Variants in CRISP2 observed in about 807,000 individuals in gnomAD.
CRISP2 encodes cysteine-rich secretory protein 2.
In CRISP2, 29 loss-of-function variants were observed where a neutral mutation model predicts 31.7. The observed-to-expected ratio is 0.92, with a 90% confidence interval of 0.68 to 1.25. The LOEUF is 1.25. CRISP2 is among the 50% of genes most tolerant of loss of function. The pLI, the probability that CRISP2 is intolerant of heterozygous loss-of-function variation, is 0.00. For missense variants in CRISP2, 318 were observed against 286.5 expected, an observed-to-expected ratio of 1.11 and a Z score of -0.79; for synonymous variants, 111 against 101.4, an observed-to-expected ratio of 1.09 and a Z score of -0.57.
chr6:49,684,886 T>C, the CRISP2 span, among the ~76,000 whole-genome samples: 142 of 152,320 alleles, frequency 9.3e-4, 1 homozygote, highest in Middle Eastern at 6.8e-3. Flanking sequence ...TAGTACTGGG[T>C]ATCCTTTGGC....
At chr6:49,705,768 C>T (rs1766916792) in intron 4 of CRISP2, among the ~76,000 whole-genome samples, 1 of 152,106 alleles carries the variant, frequency 6.6e-6, no homozygotes. Flanking sequence ...TTCATTTCAG[C>T]CTTAAGTAAG....
At chr6:49,711,889 A>G (rs959966570) in intron 2 of CRISP2, among the ~76,000 whole-genome samples, 73 of 152,184 alleles carry the variant, frequency 4.8e-4, no homozygotes, top group African/African-American at 1.7e-3. Context: ...CCTCTAATAC[A>G]ATAAACACAT....
downstream of CRISP2, among the ~76,000 whole-genome samples, chr6:49,688,049 C>T (rs1471801665): frequency 2.6e-5 from 4 of 152,196 alleles, no homozygotes; most frequent in Admixed American, 2.6e-4. Flanking sequence ...GAGAAACTGT[C>T]TCAATCACTG....
At chr6:49,697,059 A>G (rs1764885442) in intron 8 of CRISP2, among the ~76,000 whole-genome samples, 1 of 152,140 alleles carries the variant, frequency 6.6e-6, no homozygotes. Context: ...TCAAACTGGA[A>G]TCGTACATCA....
the CRISP2 span, among the ~76,000 whole-genome samples, chr6:49,676,998 G>C: frequency 1.3e-5 from 2 of 152,126 alleles, no homozygotes; most frequent in Non-Finnish European, 1.5e-5. Context: ...AAAAAGTCTT[G>C]TGACAAGGGC....
At chr6:49,711,814 T>C (rs1412931001) in intron 2 of CRISP2, among the ~76,000 whole-genome samples, 5 of 152,218 alleles carry the variant, frequency 3.3e-5, no homozygotes, top group African/African-American at 1.2e-4. Context: ...TTTTCTTATG[T>C]AAAATGTAGA....
chr6:49,705,109 G>C (rs1193501103), intron 4 of CRISP2, among the ~76,000 whole-genome samples: 1 of 152,078 alleles, frequency 6.6e-6, no homozygotes, highest in Admixed American at 6.5e-5. Flanking sequence ...TACCAGGTTG[G>C]GTAGAGAAAG....
intron 4 of CRISP2, among the ~76,000 whole-genome samples, chr6:49,706,760 C>A (rs1172848546): frequency 6.6e-6 from 1 of 152,140 alleles, no homozygotes; most frequent in African/African-American, 2.4e-5. Context: ...TCATTTAAGT[C>A]TCTCAAAATA....
At chr6:49,708,394 C>T (rs12203129) in intron 4 of CRISP2, among the ~76,000 whole-genome samples, 8,006 of 152,170 alleles carry the variant, frequency 0.053, 219 homozygotes, top group Non-Finnish European at 0.059. Context: ...AAAAAGTCTT[C>T]GCAGATGTAA....
intron 4 of CRISP2, among the ~76,000 whole-genome samples, chr6:49,708,313 T>G (rs1767418279): frequency 6.6e-6 from 1 of 152,114 alleles, no homozygotes; most frequent in African/African-American, 2.4e-5. Flanking sequence ...TTGTAATGAG[T>G]TAGGTGGTAG....
At position 49,692,745 on chromosome 6, in the gene CRISP2, C is replaced by A; in HGVS notation, c.*28G>T. On this transcript the variant is annotated 3_prime_UTR_variant, in exon 10 of 10. Coordinates refer to ENST00000339139, the MANE Select transcript of CRISP2 (RefSeq NM_003296.4). ...TTAAATGATGCAGCCCTTATCCATGCAGTCTTGCACAATGCTCACTAGGTA... is the reference window on the plus strand; with the variant it reads ...TTAAATGATGCAGCCCTTATCCATGAAGTCTTGCACAATGCTCACTAGGTA... 6.3e-7 allele frequency: 1 copy of A among 1,585,206 alleles called. No homozygotes were observed. The highest frequency in any genetic ancestry group is 1.3e-5 in the African/African-American group (1 of 74,562).
intron 4 of CRISP2, among the ~76,000 whole-genome samples, chr6:49,705,869 C>A (rs1239962802): frequency 6.6e-6 from 1 of 152,164 alleles, no homozygotes; most frequent in African/African-American, 2.4e-5. Flanking sequence ...GCTTTGGGCC[C>A]TCATAGTGTT....
intron 8 of CRISP2, 149 bp downstream of exon 8, chr6:49,697,711 A>G (rs1243728415): frequency 8.5e-6 from 13 of 1,527,258 alleles, no homozygotes; most frequent in South Asian, 1.2e-5. Flanking sequence ...TGAGAAGTTG[A>G]AAGTGTCTCA....
chr6:49,709,843 C>A (rs1207182750), intron 3 of CRISP2, among the ~76,000 whole-genome samples: 1 of 152,204 alleles, frequency 6.6e-6, no homozygotes, highest in Non-Finnish European at 1.5e-5. Flanking sequence ...ATAGCTTATT[C>A]AAGTTTACTC....
the CRISP2 span, among the ~76,000 whole-genome samples, chr6:49,682,489 TC>T: frequency 2.0e-5 from 2 of 100,342 alleles, no homozygotes; most frequent in Non-Finnish European, 3.7e-5. Flanking sequence ...TCCCTCCTCC[TC>T]CTCCTATTCC....
intron 4 of CRISP2, among the ~76,000 whole-genome samples, chr6:49,707,405 G>A (rs1256405549): frequency 6.6e-6 from 1 of 152,162 alleles, no homozygotes; most frequent in African/African-American, 2.4e-5. Context: ...GAAAACATCA[G>A]AAAATCATAC....
the CRISP2 span, among the ~76,000 whole-genome samples, chr6:49,680,201 T>C: frequency 6.6e-6 from 1 of 152,174 alleles, no homozygotes; most frequent in African/African-American, 2.4e-5. Flanking sequence ...CCTGTATGTG[T>C]CCATGAGTTC....
intron 8 of CRISP2, among the ~76,000 whole-genome samples, chr6:49,696,153 T>C (rs1247269509): frequency 6.6e-6 from 1 of 152,104 alleles, no homozygotes; most frequent in Non-Finnish European, 1.5e-5. Flanking sequence ...GTAACTAAAT[T>C]TGATGACAAG....
chr6:49,712,024 C>T (rs1236504576), intron 2 of CRISP2, among the ~76,000 whole-genome samples: 1 of 152,132 alleles, frequency 6.6e-6, no homozygotes, highest in Non-Finnish European at 1.5e-5. Context: ...TTGCTAATTA[C>T]TAAGTGTTTA....
Sources: allele counts gnomAD v4.1 joint callset (sites outside exome capture counted in the v4.1 genomes callset), GRCh38; gene constraint gnomAD v4.1.1; transcripts MANE v1.5; gene names NCBI Gene and HGNC (gene_info 2026-07-23, HGNC 2026-07-21).